STPG2: variants seen among roughly 807,000 people sequenced by gnomAD.
STPG2 encodes sperm tail PG-rich repeat containing 2, also known as sperm-tail PG-rich repeat-containing protein 2.
A neutral mutation model predicts 54.2 loss-of-function variants in STPG2; 56 were observed. The ratio of observed to expected loss-of-function variants is 1.03; its 90% confidence interval spans 0.83 to 1.29. STPG2 has a LOEUF of 1.29. STPG2 is among the 50% of genes most tolerant of loss of function. The probability of loss-of-function intolerance (pLI) is 0.00; values close to 1 mark genes in which losing one functional copy is unlikely to be tolerated. For synonymous variants in STPG2, 200 were observed against 181.8 expected (o/e 1.10, Z -0.81); for missense variants, 596 against 544.9 (o/e 1.09, Z -0.93).
chr4:97,849,051 C>T (rs981725092), intron 8 of STPG2, among the ~76,000 whole-genome samples: 5 of 151,102 alleles, frequency 3.3e-5, no homozygotes, highest in African/African-American at 1.2e-4. Flanking sequence ...TCATTGGTAG[C>T]TTGATGGGGA....
chr4:97,885,182 T>C (rs897089740), intron 8 of STPG2, among the ~76,000 whole-genome samples: 13 of 152,120 alleles, frequency 8.5e-5, no homozygotes, highest in Non-Finnish European at 1.3e-4. Context: ...GTCAGTGAAC[T>C]GGAGAAATAG....
rs113845332 is a variant in STPG2 at position 98,094,733 on chromosome 4, C to G, written c.612+11220G>C. On this transcript the variant is annotated intron_variant, in intron 5 of 10. Coordinates refer to ENST00000295268, the MANE Select transcript of STPG2 (RefSeq NM_174952.3). ...CCCTCCACCTCAAACCCCCATGGAT[C>G]AGTGGTGGTAGTGGACACAGGGAGA... Among the ~76,000 whole-genome samples the G allele has an allele frequency of 5.9e-3, 900 of 152,212 alleles. 6 individuals are homozygous for G. The highest frequency in any genetic ancestry group is 0.02 in the Middle Eastern group (6 of 294).
At chr4:97,943,813 A>G in intron 8 of STPG2, 84 bp downstream of exon 8, 1 of 995,480 alleles carries the variant, frequency 1.0e-6, no homozygotes, top group Non-Finnish European at 1.5e-6. Context: ...TACCTCACTC[A>G]GGTCCTAATA....
At chr4:97,559,247 A>G in intron 10 of STPG2, 130 bp from the exon 11 acceptor site, 1 of 626,442 alleles carries the variant, frequency 1.6e-6, no homozygotes, top group Non-Finnish European at 2.8e-6. Context: ...ATAAAATGAT[A>G]TAATCTACTT....
chr4:97,777,803 G>A (rs1726429190), intron 9 of STPG2, among the ~76,000 whole-genome samples: 1 of 152,140 alleles, frequency 6.6e-6, no homozygotes, highest in Non-Finnish European at 1.5e-5. Flanking sequence ...TTGCTCTTCA[G>A]TTGTTTCATT....
chr4:98,037,425 AT>A (rs1052258343), intron 5 of STPG2, among the ~76,000 whole-genome samples: 1 of 152,216 alleles, frequency 6.6e-6, no homozygotes, highest in Admixed American at 6.5e-5. Context: ...ACTAATGAGT[AT>A]TTTTTAAGCC....
chr4:97,519,674 G>T (rs1384600652), intron 4 of STPG2, among the ~76,000 whole-genome samples: 1 of 151,960 alleles, frequency 6.6e-6, no homozygotes, highest in African/African-American at 2.4e-5. Context: ...CTCAGTAAAT[G>T]ATAGCTCTGA....
chr4:97,960,269 C>G (rs1431838004), intron 7 of STPG2, among the ~76,000 whole-genome samples: 1 of 151,996 alleles, frequency 6.6e-6, no homozygotes, highest in Non-Finnish European at 1.5e-5. Flanking sequence ...TGAAAGCATT[C>G]CCCCTCTGAG....
At chr4:97,763,706 G>A (rs1002803871) in intron 9 of STPG2, among the ~76,000 whole-genome samples, 5 of 152,034 alleles carry the variant, frequency 3.3e-5, no homozygotes, top group Non-Finnish European at 5.9e-5. Context: ...GAGACTCCAG[G>A]CCCATGGAGG....
At chr4:98,049,146 T>G (rs1737233846) in intron 5 of STPG2, 1 of 152,212 alleles carries the variant, frequency 6.6e-6, no homozygotes, top group African/African-American at 2.4e-5. Flanking sequence ...CCTTTTTCCT[T>G]TAAAGCAGAA....
At chr4:97,834,124 A>C (rs1369459679) in intron 9 of STPG2, among the ~76,000 whole-genome samples, 1 of 152,136 alleles carries the variant, frequency 6.6e-6, no homozygotes, top group Non-Finnish European at 1.5e-5. Context: ...CCCATCAATG[A>C]CAGACTCGGT....
At chr4:97,833,360 A>G (rs1007182276) in intron 9 of STPG2, among the ~76,000 whole-genome samples, 1 of 152,240 alleles carries the variant, frequency 6.6e-6, no homozygotes, top group Non-Finnish European at 1.5e-5. Context: ...TTAACTCAAG[A>G]TGAATTAAAC....
Position 98,134,475 on chromosome 4 carries a change from CA to C in STPG2, c.110-17del, listed in dbSNP as rs774003041. On this transcript the variant is annotated splice_polypyrimidine_tract_variant and intron_variant, in intron 1 of 10. Coordinates refer to ENST00000295268, the MANE Select transcript of STPG2 (RefSeq NM_174952.3). ...GCATTACTACCTATAAAAATAAAATCATATGACCAGCAGATAAGATAAGAGT... is the reference window on the plus strand; with the variant it reads ...GCATTACTACCTATAAAAATAAAATCTATGACCAGCAGATAAGATAAGAGT... 2 of 1,487,906 alleles carry C rather than the reference CA, an allele frequency of 1.3e-6. No individual in the cohort carries two copies. Among genetic ancestry groups the C allele is most frequent in the Non-Finnish European group, 9.1e-7 (1 of 1,094,136 alleles). The allele number at this position is 1,487,906 out of a possible 1,614,324, so 92.2% of individuals were successfully genotyped here. A position where few individuals can be genotyped will look rare whatever the true frequency, so the allele number is the denominator to read the frequency against.
chr4:97,635,097 C>T (rs1329358562), intron 10 of STPG2, among the ~76,000 whole-genome samples: 5 of 151,884 alleles, frequency 3.3e-5, no homozygotes, highest in African/African-American at 7.3e-5. Context: ...AGAGAAAGGT[C>T]GGGTTACCCT....
chr4:97,824,513 A>G (rs1224652408), intron 9 of STPG2, among the ~76,000 whole-genome samples: 3 of 152,142 alleles, frequency 2.0e-5, no homozygotes, highest in Non-Finnish European at 2.9e-5. Flanking sequence ...TTTCTGTCAG[A>G]AAGAGGGGTA....
chr4:97,972,476 C>T (rs751895546), intron 6 of STPG2, 36 bp from the exon 7 acceptor site: 2 of 1,292,112 alleles, frequency 1.5e-6, no homozygotes, highest in Admixed American at 2.7e-5. Flanking sequence ...TAAGAATAAG[C>T]ATGCTTTTAT....
At chr4:97,643,851 G>T (rs866113079) in intron 10 of STPG2, among the ~76,000 whole-genome samples, 2 of 151,428 alleles carry the variant, frequency 1.3e-5, no homozygotes, top group Non-Finnish European at 3.0e-5. Flanking sequence ...CCTTATTTTT[G>T]GGCATAGTTA....
chr4:97,510,611 C>T (rs1033572071), intron 4 of STPG2, among the ~76,000 whole-genome samples: 1 of 151,948 alleles, frequency 6.6e-6, no homozygotes. Context: ...TTTCCATGGA[C>T]TGGGGGTGGG....
intron 8 of STPG2, among the ~76,000 whole-genome samples, chr4:97,932,651 A>T (rs902554984): frequency 6.6e-6 from 1 of 152,152 alleles, no homozygotes; most frequent in Non-Finnish European, 1.5e-5. Context: ...TTTGCTGAGG[A>T]TGATGGCTTC....
Sources: allele counts gnomAD v4.1 joint callset (sites outside exome capture counted in the v4.1 genomes callset), GRCh38; gene constraint gnomAD v4.1.1; transcripts MANE v1.5; gene names NCBI Gene and HGNC (gene_info 2026-07-23, HGNC 2026-07-21).